The following VPS8 variants were observed in gnomAD, a reference collection of about 807,000 sequenced individuals.
The protein encoded by VPS8 is VPS8 subunit of CORVET complex, also known as vacuolar protein sorting-associated protein 8 homolog.
VPS8 carries 129 observed loss-of-function variants against 216.4 expected under a neutral mutation model. That is an observed-to-expected ratio of 0.60 (90% CI 0.52 to 0.69). VPS8 has a LOEUF of 0.69. VPS8 is among the 30% of genes least tolerant of loss of function. The probability of loss-of-function intolerance (pLI) is 0.00; values close to 1 mark genes in which losing one functional copy is unlikely to be tolerated. For synonymous variants in VPS8, 571 were observed against 565.4 expected (o/e 1.01, Z -0.14); for missense variants, 1,531 against 1,683.5 (o/e 0.91, Z 1.59).
intron 47 of VPS8, among the ~76,000 whole-genome samples, chr3:185,049,535 T>C (rs1276959720): frequency 2.6e-5 from 4 of 152,156 alleles, no homozygotes; most frequent in Admixed American, 2.6e-4. Context: ...GCAGGTCTTC[T>C]GATTGGCTAG....
chr3:184,817,211 A>C (rs1716516938), intron 1 of VPS8: 1 of 137,940 alleles, frequency 7.2e-6, no homozygotes, highest in African/African-American at 2.6e-5. Flanking sequence ...CTGCTATTTG[A>C]GATTCTGGAA....
chr3:184,997,667 C>A (rs1752795690), intron 44 of VPS8, among the ~76,000 whole-genome samples: 1 of 151,968 alleles, frequency 6.6e-6, no homozygotes, highest in African/African-American at 2.4e-5. Flanking sequence ...AAGTGAAATG[C>A]CAGATACTGA....
At chr3:184,819,929 C>T (rs1304992214) in intron 1 of VPS8, among the ~76,000 whole-genome samples, 3 of 152,116 alleles carry the variant, frequency 2.0e-5, no homozygotes, top group Non-Finnish European at 4.4e-5. Flanking sequence ...AGGAAATATA[C>T]TTGCTTTTCA....
chr3:184,915,550 C>G, intron 28 of VPS8, 76 bp downstream of exon 28: 1 of 1,477,836 alleles, frequency 6.8e-7, no homozygotes, highest in Non-Finnish European at 9.2e-7. Context: ...TGGTGGCTCA[C>G]CCCTGTAATC....
At position 184,994,045 on chromosome 3, in the gene VPS8, T is replaced by C. The variant is rs779924781; in HGVS notation, c.3648T>C (p.Asp1216=). 2 of 1,563,778 alleles carry C rather than the reference T, an allele frequency of 1.3e-6. No homozygotes were observed. Among genetic ancestry groups the C allele is most frequent in the Non-Finnish European group, 1.7e-6 (2 of 1,154,798 alleles). The change falls in exon 43 of 48, where the codon GAT becomes GAC. Residue 1216 remains aspartate (D), a synonymous_variant. Transcript: ENST00000625842. ...EIQGLILGML[D]TFNYEQTLLE... is the part of the protein sequence containing the mutation. ...AGGGACTTATCTTGGGAATGTTAGA[T>C]ACCTTTAACTATGAACAAGTAAGTA...
chr3:184,987,412 A>G (rs888379993), intron 42 of VPS8, among the ~76,000 whole-genome samples: 2 of 37,686 alleles, frequency 5.3e-5, no homozygotes, highest in East Asian at 6.6e-4. Context: ...CCGTGCCCAC[A>G]CTGATTTTTT....
At chr3:184,845,197 C>G (rs1373808876) in intron 8 of VPS8, among the ~76,000 whole-genome samples, 1 of 152,112 alleles carries the variant, frequency 6.6e-6, no homozygotes, top group Non-Finnish European at 1.5e-5. Flanking sequence ...TGGAGTGGCT[C>G]TCATTTTCAC....
At chr3:185,034,284 T>C (rs569877151) in intron 46 of VPS8, among the ~76,000 whole-genome samples, 1 of 152,346 alleles carries the variant, frequency 6.6e-6, no homozygotes. Context: ...CTACCATTGA[T>C]GGACATTTGG....
rs371878451 is a variant in VPS8, at chr3:184,849,194, A to G, written c.665A>G (p.Gln222Arg). The change falls in exon 9 of 48, where the codon CAG becomes CGG. Residue 222 changes from glutamine (Q) to arginine (R), a missense_variant and splice_region_variant. Transcript: ENST00000625842. ...SRLLCGFAKG[Q>R]ITMWDLASGK... ...CTTCTTTGTGGCTTTGCTAAAGGACAGGTAAGATATGAACCTCCTTTAATT... is the reference window on the plus strand; with the variant it reads ...CTTCTTTGTGGCTTTGCTAAAGGACGGGTAAGATATGAACCTCCTTTAATT... The G allele has an allele frequency of 2.5e-5, 40 of 1,612,298 alleles. No individual in the cohort carries two copies. The highest frequency in any genetic ancestry group is 3.0e-5 in the Non-Finnish European group (35 of 1,179,070).
At chr3:184,900,682 G>A (rs1055429165) in intron 24 of VPS8, among the ~76,000 whole-genome samples, 2 of 152,102 alleles carry the variant, frequency 1.3e-5, no homozygotes, top group African/African-American at 4.8e-5. Flanking sequence ...TCTCAGATAA[G>A]CCCTTTATAT....
At chr3:185,036,370 G>GC (rs1758885467) in intron 46 of VPS8, among the ~76,000 whole-genome samples, 1 of 152,100 alleles carries the variant, frequency 6.6e-6, no homozygotes, top group South Asian at 2.1e-4. Context: ...ATACTATAAA[G>GC]CCACAGTAAC....
chr3:185,002,235 T>C (rs1753515244), intron 45 of VPS8, among the ~76,000 whole-genome samples: 1 of 152,204 alleles, frequency 6.6e-6, no homozygotes, highest in Non-Finnish European at 1.5e-5. Context: ...CTGTAACCTT[T>C]ATATCATGTT....
intron 40 of VPS8, among the ~76,000 whole-genome samples, chr3:184,974,350 ATCT>A (rs1169626982): frequency 6.6e-6 from 1 of 152,054 alleles, no homozygotes; most frequent in Non-Finnish European, 1.5e-5. Flanking sequence ...TATGGCTGAC[ATCT>A]TCTTTTGAGA....
At chr3:184,948,128 CTAATT>C (rs760655821) in intron 36 of VPS8, among the ~76,000 whole-genome samples, 3 of 151,998 alleles carry the variant, frequency 2.0e-5, no homozygotes, top group Non-Finnish European at 4.4e-5. Flanking sequence ...AGTAATTACA[CTAATT>C]TAATTATAAA....
At chr3:184,852,274 G>T (rs1173854460) in intron 10 of VPS8, among the ~76,000 whole-genome samples, 1 of 152,058 alleles carries the variant, frequency 6.6e-6, no homozygotes, top group African/African-American at 2.4e-5. Context: ...GATGAAAGGT[G>T]GTTTTGCTTT....
intron 45 of VPS8, among the ~76,000 whole-genome samples, chr3:185,006,374 G>C (rs1754247855): frequency 6.6e-6 from 1 of 152,162 alleles, no homozygotes; most frequent in South Asian, 2.1e-4. Context: ...AGCTCAGAGA[G>C]TGAGGGCCAA....
intron 25 of VPS8, among the ~76,000 whole-genome samples, chr3:184,909,586 C>T (rs769642828): frequency 2.0e-5 from 3 of 152,052 alleles, no homozygotes; most frequent in Non-Finnish European, 4.4e-5. Context: ...TTATATTTTT[C>T]GGTCTAATTT....
chr3:184,897,900 A>C (rs1372603078), intron 23 of VPS8, among the ~76,000 whole-genome samples: 2 of 151,986 alleles, frequency 1.3e-5, no homozygotes, highest in African/African-American at 4.8e-5. Context: ...GCTCACTTCC[A>C]CATTAGGTCC....
At chr3:184,869,385 G>A in intron 19 of VPS8, 97 bp from the exon 20 acceptor site, 1 of 1,261,578 alleles carries the variant, frequency 7.9e-7, no homozygotes, top group Non-Finnish European at 1.1e-6. Flanking sequence ...AATTATACCT[G>A]TTGTTTCACA....
Sources: allele counts gnomAD v4.1 joint callset (sites outside exome capture counted in the v4.1 genomes callset), GRCh38; gene constraint gnomAD v4.1.1; transcripts MANE v1.5; gene names NCBI Gene and HGNC (gene_info 2026-07-23, HGNC 2026-07-21).